Variants in MAP4K5 observed in about 807,000 individuals in gnomAD.
MAP4K5 encodes mitogen-activated protein kinase kinase kinase kinase 5, also known as MAPK/ERK kinase kinase kinase 5.
In MAP4K5, 82 loss-of-function variants were observed where a neutral mutation model predicts 135.6. The observed-to-expected ratio is 0.60, with a 90% CI of 0.51 to 0.73. MAP4K5 has a LOEUF of 0.73. MAP4K5 is among the 30% of genes least tolerant of loss of function. The pLI is 0.00. For synonymous variants in MAP4K5, 347 were observed against 335.0 expected (o/e 1.04, Z -0.39); for missense variants, 907 against 1,010.9 (o/e 0.90, Z 1.39).
intron 2 of MAP4K5, chr14:50,505,062 T>C (rs940691899): frequency 2.4e-6 from 1 of 420,494 alleles, no homozygotes; most frequent in African/African-American, 2.1e-5. Context: ...AAATTACCAA[T>C]AGTCCCACCA....
At position 50,437,518 on chromosome 14, in the gene MAP4K5, T is replaced by C; in HGVS notation, c.1840A>G (p.Thr614Ala). 1.2e-6 allele frequency: 2 copies of C among 1,602,012 alleles called. No homozygotes were observed. Among genetic ancestry groups the C allele is most frequent in the South Asian group, 1.1e-5 (1 of 88,570 alleles). The change falls in exon 26 of 33, where the codon ACA (threonine) becomes GCA (alanine). Residue 614 changes from threonine (T) to alanine (A), a missense_variant. This residue lies in a region of MAP4K5 where 690 missense variants were observed against 777.4 expected (regional missense o/e 0.89). Transcript: ENST00000682126. ...RILPRKFALT[T>A]KIPDTKGCHK... ...CAGCCTTTTGTATCAGGAATCTTTGTTGTTAAAGCGAATTTTCTGAAAACG... is the reference window on the plus strand; with the variant it reads ...CAGCCTTTTGTATCAGGAATCTTTGCTGTTAAAGCGAATTTTCTGAAAACG...
At chr14:50,437,671 T>C (rs2036127344) in intron 25 of MAP4K5, 137 bp from the exon 26 acceptor site, 2 of 668,926 alleles carry the variant, frequency 3.0e-6, no homozygotes, top group South Asian at 2.0e-5. Flanking sequence ...TATCTCATCT[T>C]ATAGGACTGA....
At chr14:50,554,704 T>G (rs970748692) in intron 1 of MAP4K5, among the ~76,000 whole-genome samples, 3 of 152,126 alleles carry the variant, frequency 2.0e-5, no homozygotes, top group African/African-American at 7.2e-5. Context: ...TACAGAAAAT[T>G]TGTTTAAAAG....
intron 1 of MAP4K5, among the ~76,000 whole-genome samples, chr14:50,550,354 C>G (rs1340581053): frequency 1.3e-5 from 2 of 152,142 alleles, no homozygotes; most frequent in African/African-American, 4.8e-5. Context: ...CATGAGGGTC[C>G]CTACTGAACA....
chr14:50,543,455 A>G (rs1386485979), intron 1 of MAP4K5, among the ~76,000 whole-genome samples: 4 of 152,244 alleles, frequency 2.6e-5, no homozygotes, highest in South Asian at 2.1e-4. Context: ...GCCACAATTC[A>G]TGGGCTTATG....
chr14:50,494,211 A>C (rs2037546892), intron 3 of MAP4K5, among the ~76,000 whole-genome samples: 1 of 151,752 alleles, frequency 6.6e-6, no homozygotes, highest in Admixed American at 6.6e-5. Flanking sequence ...CCTGTCACCC[A>C]GGCTGGAGTG....
chr14:50,504,765 C>T lies in MAP4K5; in HGVS notation c.166+35G>A, dbSNP rs770024854. 370 of 1,435,122 alleles carry T rather than the reference C, an allele frequency of 2.6e-4. 1 individual carries two copies. Among genetic ancestry groups the T allele is most frequent in the African/African-American group, 2.9e-5 (2 of 69,118 alleles). The allele number at this position is 1,435,122 out of a possible 1,614,324, so 88.9% of individuals were successfully genotyped here. ...GAAACAAGGAAAGAAATATGGAAAA[C>T]CCTCAAAAATTGTCTTGAGGGTTTT... On this transcript the variant is annotated intron_variant, in intron 3 of 32. Transcript: ENST00000682126.
chr14:50,462,694 A>C lies in MAP4K5; in HGVS notation c.907T>G (p.Tyr303Asp), dbSNP rs950070885. Residue 303 changes from tyrosine to aspartate, a missense_variant, in exon 13 of 33, where the codon TAC becomes GAC. Around this residue, in one of 3 missense-constraint regions of MAP4K5, gnomAD observed 690 missense variants for 777.4 expected, o/e 0.89. Coordinates refer to ENST00000682126, the MANE Select transcript of MAP4K5 (RefSeq NM_006575.6). ...KVNNPDNHAH[Y>D]TEADDDDFEP... ...AAGTCATCGTCATCTGCTTCAGTGTAATGTGCGTGGTTATCTGGATTGTTC... is the reference window on the plus strand; with the variant it reads ...AAGTCATCGTCATCTGCTTCAGTGTCATGTGCGTGGTTATCTGGATTGTTC... 3 of 1,605,070 alleles carry C rather than the reference A, an allele frequency of 1.9e-6. No homozygotes were observed. In the Admixed American group the frequency reaches 5.2e-5, roughly 28 times the overall value.
chr14:50,454,838 G>A (rs1595458704), intron 14 of MAP4K5, among the ~76,000 whole-genome samples: 1 of 151,836 alleles, frequency 6.6e-6, no homozygotes, highest in African/African-American at 2.4e-5. Context: ...TTAAGTTTAT[G>A]TGGGGAAGAA....
At chr14:50,480,942 T>C (rs1016010211) in intron 6 of MAP4K5, among the ~76,000 whole-genome samples, 2 of 152,162 alleles carry the variant, frequency 1.3e-5, no homozygotes, top group Admixed American at 1.3e-4. Flanking sequence ...ATGGGACCAC[T>C]GTTGTATATG....
chr14:50,530,157 G>A (rs958058294), intron 2 of MAP4K5, among the ~76,000 whole-genome samples: 30 of 152,144 alleles, frequency 2.0e-4, no homozygotes, highest in African/African-American at 7.0e-4. Flanking sequence ...TGAGGGTAGG[G>A]GACCATGTGT....
At chr14:50,481,074 T>G (rs956963729) in intron 6 of MAP4K5, among the ~76,000 whole-genome samples, 3 of 151,732 alleles carry the variant, frequency 2.0e-5, no homozygotes, top group Non-Finnish European at 4.4e-5. Flanking sequence ...TTTTTTTTTT[T>G]ATTTTTTCAC....
intron 21 of MAP4K5, among the ~76,000 whole-genome samples, chr14:50,441,149 T>G (rs1438363826): frequency 6.6e-6 from 1 of 152,180 alleles, no homozygotes; most frequent in Non-Finnish European, 1.5e-5. Flanking sequence ...GAAGATAAAC[T>G]GTCAATGGCT....
In MAP4K5 at chr14:50,437,513, C is replaced by A. The variant is rs760219725; in HGVS notation, c.1845G>T (p.Lys615Asn). The change falls in exon 26 of 33, where the codon AAG becomes AAT. Residue 615 changes from lysine (K) to asparagine (N), a missense_variant. Physicochemically the swap from Lys to Asn is moderately conservative, Grantham distance 94. Around this residue, in one of 3 missense-constraint regions of MAP4K5, gnomAD observed 690 missense variants for 777.4 expected, o/e 0.89. Transcript: ENST00000682126. ...ILPRKFALTTKIPDTKGCHKC... is the reference protein window; with the variant it reads ...ILPRKFALTTNIPDTKGCHKC... The stretch of plus-strand genomic sequence containing the variant: ...TGTGGCAGCCTTTTGTATCAGGAAT[C>A]TTTGTTGTTAAAGCGAATTTTCTGA... The A allele has an allele frequency of 1.2e-6, 2 of 1,603,182 alleles. No homozygotes were observed. The highest frequency in any genetic ancestry group is 1.7e-6 in the Non-Finnish European group (2 of 1,175,408).
chr14:50,458,386 C>T (rs562195177), intron 13 of MAP4K5, among the ~76,000 whole-genome samples: 2 of 152,060 alleles, frequency 1.3e-5, no homozygotes, highest in Non-Finnish European at 2.9e-5. Flanking sequence ...ACAAAAAAAT[C>T]CTTCTCCAGC....
At chr14:50,517,276 A>G (rs1400665730) in intron 2 of MAP4K5, among the ~76,000 whole-genome samples, 2 of 151,462 alleles carry the variant, frequency 1.3e-5, no homozygotes, top group Admixed American at 6.6e-5. Context: ...CTCAGGCCCT[A>G]GAGTAGCTGG....
chr14:50,434,614 C>T, intron 27 of MAP4K5, 43 bp from the exon 28 acceptor site: 1 of 1,525,354 alleles, frequency 6.6e-7, no homozygotes, highest in Non-Finnish European at 8.9e-7. Context: ...CAGAAACAAT[C>T]TCCCCATTCA....
upstream of MAP4K5, among the ~76,000 whole-genome samples, chr14:50,534,796 A>G (rs1005838520): frequency 6.6e-6 from 1 of 152,276 alleles, no homozygotes; most frequent in Non-Finnish European, 1.5e-5. Flanking sequence ...AATCTTAAGG[A>G]TTTTTAAAAT....
At chr14:50,551,951 C>G (rs2038707600) in intron 1 of MAP4K5, among the ~76,000 whole-genome samples, 1 of 152,084 alleles carries the variant, frequency 6.6e-6, no homozygotes, top group Non-Finnish European at 1.5e-5. Context: ...AGAACTAGAA[C>G]AAGACAAGAA....
Sources: allele counts gnomAD v4.1 joint callset (sites outside exome capture counted in the v4.1 genomes callset), GRCh38; gene constraint gnomAD v4.1.1; regional missense constraint gnomAD v4.1.1; transcripts MANE v1.5; gene names NCBI Gene and HGNC (gene_info 2026-07-23, HGNC 2026-07-21).